The following SNTG1 variants were observed in gnomAD, a reference collection of about 807,000 sequenced individuals.
The protein encoded by SNTG1 is gamma-1-syntrophin.
A neutral mutation model predicts 74.7 loss-of-function variants in SNTG1; 39 were observed. That is an observed-to-expected ratio of 0.52 (90% CI 0.40 to 0.68). SNTG1 has a LOEUF of 0.68. Among genes scored for constraint, SNTG1 ranks in the 30% least tolerant of loss-of-function variants. SNTG1 has a pLI of 0.00. For missense variants in SNTG1, 685 were observed against 609.5 expected (o/e 1.12, Z -1.30); for synonymous variants, 254 against 217.1 (o/e 1.17, Z -1.49).
At chr8:50,697,972 C>T (rs914670612) in intron 15 of SNTG1, among the ~76,000 whole-genome samples, 1 of 152,070 alleles carries the variant, frequency 6.6e-6, no homozygotes, top group Non-Finnish European at 1.5e-5. Context: ...GGAGAAATTC[C>T]TTTTCAGTTT....
At chr8:50,241,429 T>C (rs1287125030) in intron 2 of SNTG1, among the ~76,000 whole-genome samples, 1 of 152,150 alleles carries the variant, frequency 6.6e-6, no homozygotes, top group Non-Finnish European at 1.5e-5. Flanking sequence ...TATTTTTTAA[T>C]GTGTGGCAAT....
chr8:50,085,711 T>G (rs1822821650), intron 1 of SNTG1, among the ~76,000 whole-genome samples: 1 of 152,168 alleles, frequency 6.6e-6, no homozygotes, highest in African/African-American at 2.4e-5. Flanking sequence ...TGTAAATCAT[T>G]ATTTTTCATC....
At chr8:50,002,851 C>T (rs1430105373) in intron 1 of SNTG1, among the ~76,000 whole-genome samples, 4 of 152,130 alleles carry the variant, frequency 2.6e-5, no homozygotes, top group African/African-American at 9.7e-5. Flanking sequence ...AAACAAATGT[C>T]CATCCACAGA....
intron 1 of SNTG1, among the ~76,000 whole-genome samples, chr8:50,087,330 C>G (rs1408791080): frequency 6.6e-6 from 1 of 152,110 alleles, no homozygotes; most frequent in Admixed American, 6.6e-5. Flanking sequence ...GCTCAATTAC[C>G]CCTCGGCTTT....
chr8:50,689,758 C>T (rs1412330378), intron 15 of SNTG1, among the ~76,000 whole-genome samples: 2 of 152,122 alleles, frequency 1.3e-5, no homozygotes, highest in Non-Finnish European at 1.5e-5. Context: ...TGATGCTGGC[C>T]TCATAAAATG....
At chr8:50,263,848 A>C (rs1350253923) in intron 2 of SNTG1, among the ~76,000 whole-genome samples, 1 of 152,220 alleles carries the variant, frequency 6.6e-6, no homozygotes, top group Non-Finnish European at 1.5e-5. Flanking sequence ...ACCCCAACAG[A>C]CATGTGTAGA....
intron 12 of SNTG1, among the ~76,000 whole-genome samples, chr8:50,590,660 T>C (rs1336898883): frequency 6.6e-6 from 1 of 152,144 alleles, no homozygotes; most frequent in East Asian, 1.9e-4. Flanking sequence ...GGAAATCTTT[T>C]CCAAACTGTT....
At chr8:50,463,972 C>T (rs2093588536) in intron 8 of SNTG1, among the ~76,000 whole-genome samples, 1 of 152,182 alleles carries the variant, frequency 6.6e-6, no homozygotes, top group South Asian at 2.1e-4. Context: ...CTTACTGCTT[C>T]ACCTCGCATT....
At chr8:50,088,866 G>A (rs62515421) in intron 1 of SNTG1, among the ~76,000 whole-genome samples, 87,656 of 143,356 alleles carry the variant, frequency 0.61, 27,390 homozygotes, top group East Asian at 0.84. Context: ...ATCCCCATCA[G>A]GCTACCAATG....
At position 50,549,304 on chromosome 8, in the gene SNTG1, G is replaced by A. The variant is rs114214821; in HGVS notation, c.681-3746G>A. On this transcript the variant is annotated intron_variant, in intron 11 of 18. Transcript: ENST00000642720. ...GCTATGTGTGGATTACACTCAACAA[G>A]ACAGAGTAAAATGCAACAGTCACAA... Among the ~76,000 whole-genome samples, 237 of 152,186 alleles carry A rather than the reference G, an allele frequency of 1.6e-3. 1 individual carries two copies. The highest frequency in any genetic ancestry group is 5.5e-3 in the African/African-American group (229 of 41,546).
At chr8:50,100,160 A>G (rs1246902178) in intron 1 of SNTG1, among the ~76,000 whole-genome samples, 1 of 152,118 alleles carries the variant, frequency 6.6e-6, no homozygotes, top group African/African-American at 2.4e-5. Flanking sequence ...ATAAGCCAGG[A>G]AAAGAAAAGT....
intron 2 of SNTG1, among the ~76,000 whole-genome samples, chr8:50,316,516 TA>T (rs2090324349): frequency 6.6e-6 from 1 of 152,224 alleles, no homozygotes; most frequent in Non-Finnish European, 1.5e-5. Flanking sequence ...TTGGTCACTC[TA>T]TTATATAGCA....
At chr8:50,672,578 A>T (rs139668816) in intron 15 of SNTG1, among the ~76,000 whole-genome samples, 1 of 151,740 alleles carries the variant, frequency 6.6e-6, no homozygotes, top group Non-Finnish European at 1.5e-5. Flanking sequence ...TGTAAATTCT[A>T]GATATTAGAC....
intron 15 of SNTG1, among the ~76,000 whole-genome samples, chr8:50,660,862 C>T (rs1196042873): frequency 6.6e-6 from 1 of 152,096 alleles, no homozygotes; most frequent in Non-Finnish European, 1.5e-5. Context: ...AAAGATTATG[C>T]AATTCATGAT....
intron 2 of SNTG1, among the ~76,000 whole-genome samples, chr8:50,331,064 T>A (rs1053901361): frequency 1.4e-4 from 21 of 152,202 alleles, no homozygotes; most frequent in African/African-American, 4.8e-4. Context: ...TGTTTCTATA[T>A]TTTTTATTTT....
At chr8:50,428,390 C>A (rs1037941797) in intron 4 of SNTG1, among the ~76,000 whole-genome samples, 2 of 152,094 alleles carry the variant, frequency 1.3e-5, no homozygotes, top group South Asian at 4.1e-4. Flanking sequence ...GCATTTCAAT[C>A]CAGAGAATTC....
At chr8:50,647,569 C>T (rs1563690121) in intron 13 of SNTG1, among the ~76,000 whole-genome samples, 1 of 152,016 alleles carries the variant, frequency 6.6e-6, no homozygotes, top group East Asian at 1.9e-4. Context: ...GATGGGAGCT[C>T]TGTGCTTTCT....
intron 1 of SNTG1, among the ~76,000 whole-genome samples, chr8:49,966,001 C>T (rs748655088): frequency 1.3e-5 from 2 of 152,264 alleles, no homozygotes; most frequent in Middle Eastern, 3.4e-3. Flanking sequence ...CAACTAAGCT[C>T]TGTGCATCTT....
intron 18 of SNTG1, among the ~76,000 whole-genome samples, chr8:50,768,034 G>A (rs2095618112): frequency 6.6e-6 from 1 of 151,918 alleles, no homozygotes; most frequent in South Asian, 2.1e-4. Flanking sequence ...ATAAGAGAAG[G>A]GAAAGAAATT....
Sources: gnomAD v4.1 joint callset for allele counts (sites outside exome capture counted in the v4.1 genomes callset) on GRCh38, gnomAD v4.1.1 for gene constraint, MANE v1.5 for transcripts, NCBI Gene and HGNC (gene_info 2026-07-23, HGNC 2026-07-21) for gene names.